TEX11: variants seen among roughly 807,000 people sequenced by gnomAD.
TEX11 encodes the protein testis expressed 11.
Under a neutral mutation model 84.4 loss-of-function variants are expected in TEX11, and 7 were observed. The ratio of observed to expected loss-of-function variants is 0.08; its 90% CI spans 0.05 to 0.16. The LOEUF is 0.16. Among genes scored for constraint, TEX11 ranks in the 10% least tolerant of loss-of-function variants. The probability of loss-of-function intolerance (pLI) is 1.00; values close to 1 mark genes in which losing one functional copy is unlikely to be tolerated. For synonymous variants in TEX11, 264 were observed against 222.8 expected (o/e 1.18, Z -1.64); for missense variants, 551 against 660.5 (o/e 0.83, Z 1.82).
At chrX:70,772,474 C>G (rs777811762) in intron 9 of TEX11, among the ~76,000 whole-genome samples, 1 of 110,842 alleles carries the variant, frequency 9.0e-6, no homozygotes, top group East Asian at 2.8e-4. Flanking sequence ...ATATGGGAGG[C>G]TGAGGTGGGA....
chrX:70,761,018 A>G (rs2090905302), intron 9 of TEX11, among the ~76,000 whole-genome samples: 1 of 112,352 alleles, frequency 8.9e-6, no homozygotes, highest in Non-Finnish European at 1.9e-5. Context: ...CATGCTCATC[A>G]TCACTGGCCA....
At chrX:70,787,624 C>T (rs1021563376) in intron 9 of TEX11, among the ~76,000 whole-genome samples, 1 of 108,260 alleles carries the variant, frequency 9.2e-6, no homozygotes, top group East Asian at 2.9e-4. Context: ...CCACTGCACC[C>T]GGCCCCCTCT....
chrX:70,631,178 C>T (rs1484040623), intron 17 of TEX11, among the ~76,000 whole-genome samples: 9 of 111,955 alleles, frequency 8.0e-5, no homozygotes, highest in Admixed American at 7.6e-4. Context: ...TTCAACCCAA[C>T]ACCAGCAAAA....
chrX:70,685,927 T>A (rs1279656181), intron 13 of TEX11, among the ~76,000 whole-genome samples: 1 of 112,036 alleles, frequency 8.9e-6, no homozygotes, highest in African/African-American at 3.2e-5. Flanking sequence ...CAAGGTTTTT[T>A]TTTTCTTGTA....
chrX:70,753,821 A>G (rs1230865299), intron 9 of TEX11, among the ~76,000 whole-genome samples: 1 of 110,841 alleles, frequency 9.0e-6, no homozygotes, highest in Non-Finnish European at 1.9e-5. Flanking sequence ...TAGCTCCCGG[A>G]CATTTCTGCA....
At chrX:70,861,397 A>G (rs1213983972) in intron 4 of TEX11, among the ~76,000 whole-genome samples, 2 of 111,222 alleles carry the variant, frequency 1.8e-5, no homozygotes, top group East Asian at 5.6e-4. Context: ...TTTCAAAAGT[A>G]AATGACCTAA....
chrX:70,836,909 C>T (rs1229710202), intron 7 of TEX11, among the ~76,000 whole-genome samples: 5 of 110,586 alleles, frequency 4.5e-5, no homozygotes, highest in Non-Finnish European at 9.5e-5. Context: ...CTCAGCCACT[C>T]GGGAGGCTGA....
chrX:70,873,674 A>C (rs760570652), intron 3 of TEX11, among the ~76,000 whole-genome samples: 1 of 112,187 alleles, frequency 8.9e-6, no homozygotes. Flanking sequence ...GAATTCATAT[A>C]TTCATTAAGT....
intron 11 of TEX11, among the ~76,000 whole-genome samples, chrX:70,732,771 T>C (rs188855285): frequency 0.033 from 3,709 of 111,384 alleles, 162 homozygotes; most frequent in African/African-American, 0.11. Context: ...AAGCTACCAA[T>C]GACTTTCTTC....
At chrX:70,735,258 G>A (rs1232309653) in intron 11 of TEX11, among the ~76,000 whole-genome samples, 1 of 110,931 alleles carries the variant, frequency 9.0e-6, no homozygotes, top group Non-Finnish European at 1.9e-5. Context: ...CACCATGTTG[G>A]CCGGGTTGGT....
intron 28 of TEX11, among the ~76,000 whole-genome samples, chrX:70,550,602 T>A (rs2088199556): frequency 8.9e-6 from 1 of 111,887 alleles, no homozygotes; most frequent in Middle Eastern, 4.2e-3. Flanking sequence ...GAATAGACAT[T>A]TCTCAAAAGA....
intron 25 of TEX11, among the ~76,000 whole-genome samples, chrX:70,574,763 G>A (rs985332416): frequency 1.1e-4 from 12 of 111,809 alleles, no homozygotes; most frequent in African/African-American, 3.9e-4. Context: ...ATGTCAAGTA[G>A]TCAACACACA....
At position 70,883,687 on chromosome X, in the gene TEX11, G is replaced by T. The variant is rs748175742; in HGVS notation, c.38-3578C>A. ...AAAAAATTATTAAATTATCTTCCTG[G>T]CTACAAAAAGAAACTATGATTTACA... On this transcript the variant is annotated intron_variant, in intron 2 of 29. Transcript: ENST00000374333. 2.6e-4 allele frequency among the ~76,000 whole-genome samples: 29 copies of T among 111,610 alleles called. No individual in the cohort carries two copies. In the South Asian group the frequency reaches 0.011, roughly 41 times the overall value.
intron 16 of TEX11, among the ~76,000 whole-genome samples, chrX:70,667,940 T>A (rs780823453): frequency 2.9e-5 from 3 of 104,026 alleles, no homozygotes; most frequent in African/African-American, 1.1e-4. Context: ...AAAAAAAAAA[T>A]AAAAAAGAAA....
chrX:70,672,182 A>G (rs972635634), intron 15 of TEX11, among the ~76,000 whole-genome samples: 5 of 110,622 alleles, frequency 4.5e-5, no homozygotes, highest in Non-Finnish European at 9.5e-5. Flanking sequence ...TATTGCATCT[A>G]TCAATAGTTC....
chrX:70,750,250 A>G (rs957276395), intron 9 of TEX11, among the ~76,000 whole-genome samples: 11 of 111,237 alleles, frequency 9.9e-5, no homozygotes, highest in East Asian at 2.8e-4. Context: ...TTAGAATGGC[A>G]ATCATTAAAA....
rs760381480 is a variant in TEX11 at position 70,625,124 on chromosome X, C to T, written c.1609-200G>A. On this transcript the variant is annotated intron_variant, in intron 18 of 29. Coordinates refer to ENST00000374333, the MANE Select transcript of TEX11 (RefSeq NM_031276.3). ...ACACATTTGCATTAGCCCCGGAAAC[C>T]GAATCCTCCCTATTCACAAACACTC... Among the ~76,000 whole-genome samples, 4 of 111,090 alleles carry T rather than the reference C, an allele frequency of 3.6e-5. No individual in the cohort carries two copies. The South Asian group carries it at 1.2e-3, about 32-fold the overall frequency.
intron 28 of TEX11, among the ~76,000 whole-genome samples, chrX:70,533,012 T>C (rs925318099): frequency 7.2e-5 from 8 of 111,120 alleles, no homozygotes; most frequent in African/African-American, 2.6e-4. Flanking sequence ...CACTCCAGCC[T>C]GGGCGACAGG....
At chrX:70,854,167 A>G (rs955835840) in intron 5 of TEX11, among the ~76,000 whole-genome samples, 6 of 112,109 alleles carry the variant, frequency 5.4e-5, no homozygotes, top group Non-Finnish European at 1.1e-4. Context: ...AACTGAGAAA[A>G]TAGAATTGAG....
Sources: allele counts gnomAD v4.1 joint callset (sites outside exome capture counted in the v4.1 genomes callset), GRCh38; gene constraint gnomAD v4.1.1; transcripts MANE v1.5; gene names NCBI Gene and HGNC (gene_info 2026-07-23, HGNC 2026-07-21).